ADGB: variants seen among roughly 807,000 people sequenced by gnomAD.
ADGB encodes the protein androglobin, also known as calpain-7-like protein.
A neutral mutation model predicts 210.5 loss-of-function variants in ADGB; 172 were observed. The ratio of observed to expected loss-of-function variants is 0.82; its 90% CI spans 0.72 to 0.93. The LOEUF is 0.93. Ranked by LOEUF, ADGB falls within the 40% of genes least tolerant of loss-of-function variation. The pLI is 0.00. For missense variants in ADGB, 2,025 were observed against 1,964.8 expected, an observed-to-expected ratio of 1.03 and a Z score of -0.58; for synonymous variants, 658 against 662.7, an observed-to-expected ratio of 0.99 and a Z score of 0.11.
intron 27 of ADGB, among the ~76,000 whole-genome samples, chr6:146,762,487 C>T (rs1258906587): frequency 6.6e-6 from 1 of 152,084 alleles, no homozygotes; most frequent in Admixed American, 6.6e-5. Flanking sequence ...TTTGATGAGT[C>T]CAACATTTTT....
intron 7 of ADGB, among the ~76,000 whole-genome samples, chr6:146,671,131 T>C (rs1776002055): frequency 6.6e-6 from 1 of 152,128 alleles, no homozygotes; most frequent in Admixed American, 6.6e-5. Flanking sequence ...AGATAGGCCT[T>C]TTATGCCATG....
At chr6:146,672,727 C>CTTTTTTTTT (rs58547170) in intron 8 of ADGB, among the ~76,000 whole-genome samples, 1 of 142,820 alleles carries the variant, frequency 7.0e-6, no homozygotes, top group Non-Finnish European at 1.5e-5. Context: ...GTTTTTCTTT[C>CTTTTTTTTT]TTTTTTTTTT....
chr6:146,624,998 C>A (rs1028740064), intron 1 of ADGB, among the ~76,000 whole-genome samples: 1 of 151,856 alleles, frequency 6.6e-6, no homozygotes, highest in Admixed American at 6.6e-5. Context: ...TATGGTTTAT[C>A]TTGATAAATA....
At chr6:146,801,446 A>G (rs1057289788) in intron 34 of ADGB, among the ~76,000 whole-genome samples, 167 bp downstream of exon 34, 3 of 152,206 alleles carry the variant, frequency 2.0e-5, no homozygotes, top group East Asian at 1.9e-4. Flanking sequence ...ATTAGATTCA[A>G]TTTTTAATAA....
At chr6:146,685,878 T>C in intron 10 of ADGB, 50 bp downstream of exon 10, 1 of 1,172,086 alleles carries the variant, frequency 8.5e-7, no homozygotes. Context: ...TGTGTGTGGG[T>C]GCACGTGTGT....
chr6:146,634,142 C>T (rs2114857509), intron 1 of ADGB, among the ~76,000 whole-genome samples: 1 of 152,152 alleles, frequency 6.6e-6, no homozygotes, highest in East Asian at 1.9e-4. Flanking sequence ...CAGTTGCCTG[C>T]AATATTCAGG....
intron 1 of ADGB, among the ~76,000 whole-genome samples, chr6:146,611,689 C>A (rs1001141880): frequency 1.3e-5 from 2 of 152,126 alleles, no homozygotes; most frequent in African/African-American, 4.8e-5. Flanking sequence ...CTCCTCTCAG[C>A]GCCCTCCTTC....
At chr6:146,755,527 G>A (rs754026438) in intron 27 of ADGB, among the ~76,000 whole-genome samples, 1 of 152,036 alleles carries the variant, frequency 6.6e-6, no homozygotes, top group Non-Finnish European at 1.5e-5. Context: ...AAAAGGATGT[G>A]TTTGCTTCCC....
intron 29 of ADGB, 97 bp from the exon 30 acceptor site, chr6:146,781,923 C>A: frequency 1.2e-6 from 1 of 849,794 alleles, no homozygotes. Context: ...AATCTATTAG[C>A]TTAACCATAT....
intron 10 of ADGB, among the ~76,000 whole-genome samples, chr6:146,686,754 A>G (rs1304825287): frequency 1.3e-5 from 2 of 152,106 alleles, no homozygotes; most frequent in African/African-American, 4.8e-5. Flanking sequence ...TGGGAACTGT[A>G]GACATCTAAC....
intron 33 of ADGB, among the ~76,000 whole-genome samples, chr6:146,793,561 T>C (rs140002470): frequency 0.041 from 6,284 of 152,152 alleles, 428 homozygotes; most frequent in African/African-American, 0.14. Context: ...TCATTTGGGG[T>C]TCCATTTGTA....
intron 33 of ADGB, among the ~76,000 whole-genome samples, chr6:146,792,499 C>A (rs1243089291): frequency 6.6e-6 from 1 of 152,050 alleles, no homozygotes; most frequent in East Asian, 1.9e-4. Flanking sequence ...TGACTATAAT[C>A]ATGATTCATC....
intron 33 of ADGB, among the ~76,000 whole-genome samples, chr6:146,797,125 C>T (rs537624241): frequency 1.3e-5 from 2 of 151,928 alleles, no homozygotes; most frequent in South Asian, 2.1e-4. Context: ...ATCAGAGAAA[C>T]GCAAATCAAA....
intron 16 of ADGB, among the ~76,000 whole-genome samples, chr6:146,720,911 A>G (rs549932237): frequency 6.6e-6 from 1 of 152,202 alleles, no homozygotes; most frequent in African/African-American, 2.4e-5. Context: ...CACAGAGCCA[A>G]ACCACGACAG....
intron 1 of ADGB, among the ~76,000 whole-genome samples, chr6:146,618,455 T>A (rs989864395): frequency 6.6e-6 from 1 of 151,926 alleles, no homozygotes; most frequent in African/African-American, 2.4e-5. Context: ...AAGTGCATTA[T>A]TAAGTTATTT....
intron 3 of ADGB, 108 bp downstream of exon 3, chr6:146,644,973 T>C: frequency 1.7e-6 from 1 of 576,248 alleles, no homozygotes; most frequent in Non-Finnish European, 2.8e-6. Flanking sequence ...TCTCTTGTGG[T>C]ATTCAGTAAA....
intron 10 of ADGB, among the ~76,000 whole-genome samples, chr6:146,690,290 T>C (rs994174001): frequency 2.6e-5 from 4 of 152,186 alleles, no homozygotes; most frequent in African/African-American, 9.6e-5. Flanking sequence ...GGCTATTGCA[T>C]AGAAATCATT....
intron 29 of ADGB, among the ~76,000 whole-genome samples, chr6:146,773,505 C>T (rs259418): frequency 0.95 from 144,161 of 152,248 alleles, 68,256 homozygotes; most frequent in East Asian, 1. Context: ...GAAGTTTAAT[C>T]ACTCTAATTA....
Position 146,666,914 on chromosome 6 carries a change from T to C in ADGB, c.839+12T>C. The C allele has an allele frequency of 6.6e-7, 1 of 1,517,168 alleles. No homozygotes were observed. The highest frequency in any genetic ancestry group is 8.9e-7 in the Non-Finnish European group (1 of 1,118,258). 94.0% of individuals were successfully genotyped at this position (1,517,168 alleles called of 1,614,324 possible). On this transcript the variant is annotated intron_variant, in intron 7 of 35. Transcript: ENST00000397944. ...GTCATTTCTCTTCAGTATGTTTGACTATTAAATTGCTCATATCTATTTTTT... is the reference window on the plus strand; with the variant it reads ...GTCATTTCTCTTCAGTATGTTTGACCATTAAATTGCTCATATCTATTTTTT...
Sources: gnomAD v4.1 joint callset for allele counts (sites outside exome capture counted in the v4.1 genomes callset) on GRCh38, gnomAD v4.1.1 for gene constraint, MANE v1.5 for transcripts, NCBI Gene and HGNC (gene_info 2026-07-23, HGNC 2026-07-21) for gene names.